Variants in GLB1 observed in about 807,000 individuals in gnomAD.
GLB1 encodes the protein galactosidase beta 1.
Under a neutral mutation model 74.0 loss-of-function variants are expected in GLB1, and 56 were observed. The observed-to-expected ratio is 0.76, with a 90% CI of 0.61 to 0.94. The LOEUF is 0.94. Among genes scored for constraint, GLB1 ranks in the 40% least tolerant of loss-of-function variants. The pLI is 0.00. For synonymous variants in GLB1, 323 were observed against 323.6 expected (o/e 1.00, Z 0.02); for missense variants, 787 against 845.5 (o/e 0.93, Z 0.86).
chr3:33,049,022 G>A (rs1698862028), intron 9 of GLB1, among the ~76,000 whole-genome samples: 1 of 152,142 alleles, frequency 6.6e-6, no homozygotes, highest in South Asian at 2.1e-4. Flanking sequence ...TGTTCTGACA[G>A]TTTCTATAAT....
intron 1 of GLB1, among the ~76,000 whole-genome samples, chr3:33,076,639 G>T (rs372521075): frequency 6.6e-6 from 1 of 152,188 alleles, no homozygotes; most frequent in East Asian, 1.9e-4. Flanking sequence ...GGAGAAATCT[G>T]AGTGTCAAAA....
intron 1 of GLB1, among the ~76,000 whole-genome samples, chr3:33,081,401 C>T (rs1046586714): frequency 2.6e-5 from 4 of 152,132 alleles, no homozygotes; most frequent in South Asian, 2.1e-4. Context: ...CTAGACATGA[C>T]GCTGGTCTAC....
At chr3:33,092,233 A>G (rs1425992661) in intron 1 of GLB1, 2 of 985,518 alleles carry the variant, frequency 2.0e-6, no homozygotes, top group Non-Finnish European at 2.4e-6. Context: ...GAACAGGAGG[A>G]GCTTTGCATT....
At chr3:32,962,654 T>C in the GLB1 span, among the ~76,000 whole-genome samples, 1 of 152,040 alleles carries the variant, frequency 6.6e-6, no homozygotes, top group Non-Finnish European at 1.5e-5. Flanking sequence ...CAATTACATT[T>C]ATATTTACAA....
intron 9 of GLB1, among the ~76,000 whole-genome samples, chr3:33,049,474 T>C (rs1302304518): frequency 6.6e-6 from 1 of 152,188 alleles, no homozygotes; most frequent in African/African-American, 2.4e-5. Flanking sequence ...TGGAGTGCAA[T>C]GGCACGATCT....
chr3:33,011,703 A>G (rs149719406), intron 15 of GLB1, among the ~76,000 whole-genome samples: 54 of 151,992 alleles, frequency 3.6e-4, no homozygotes, highest in African/African-American at 1.2e-3. Flanking sequence ...AATAAATTTT[A>G]AACAAGCAAC....
chr3:32,991,449 T>C, the GLB1 span, among the ~76,000 whole-genome samples: 2 of 152,184 alleles, frequency 1.3e-5, no homozygotes, highest in Non-Finnish European at 2.9e-5. Flanking sequence ...TTCTTAAAAA[T>C]GGCCACACAT....
the GLB1 span, among the ~76,000 whole-genome samples, chr3:32,972,124 T>G: frequency 0.41 from 62,172 of 151,822 alleles, 12,916 homozygotes; most frequent in East Asian, 0.52. Context: ...AGCTACCTGG[T>G]TGCAAGACAG....
chr3:33,091,331 C>A (rs1700751046), intron 1 of GLB1: 8 of 985,418 alleles, frequency 8.1e-6, no homozygotes, highest in Non-Finnish European at 9.6e-6. Flanking sequence ...ACCAGGAGGA[C>A]AAGGAGGAAA....
In GLB1 at chr3:33,034,514, A is replaced by C; in HGVS notation, c.1069-10189T>G. The C allele has an allele frequency of 2.9e-5, 21 of 734,448 alleles. No individual in the cohort carries two copies. In the South Asian group the frequency reaches 3.2e-4, roughly 11 times the overall value. 45.5% of individuals were successfully genotyped at this position (734,448 alleles called of 1,614,324 possible). Reference sequence around the variant, plus strand: ...AGATGTGGCCTGGGCCCCCTCCATCAGCCTGCCCACCAGCACCATTGCCAG... The same window carrying C: ...AGATGTGGCCTGGGCCCCCTCCATCCGCCTGCCCACCAGCACCATTGCCAG... On this transcript the variant is annotated intron_variant, in intron 10 of 15. Coordinates refer to ENST00000307363, the MANE Select transcript of GLB1 (RefSeq NM_000404.4).
intron 1 of GLB1, among the ~76,000 whole-genome samples, chr3:33,096,011 G>A (rs1198973217): frequency 6.6e-6 from 1 of 152,202 alleles, no homozygotes; most frequent in Admixed American, 6.5e-5. Context: ...AATCTTGGTT[G>A]TAGATAAATG....
chr3:33,028,473 C>G (rs72854777), intron 10 of GLB1, among the ~76,000 whole-genome samples: 1 of 151,606 alleles, frequency 6.6e-6, no homozygotes. Flanking sequence ...CCTCTTTTTT[C>G]TCGTTTTGTT....
At chr3:33,069,882 T>C (rs1559410606) in intron 2 of GLB1, among the ~76,000 whole-genome samples, 2 of 152,174 alleles carry the variant, frequency 1.3e-5, no homozygotes, top group African/African-American at 4.8e-5. Context: ...TTGCGTGTCA[T>C]GGGGGTTTGG....
chr3:33,068,673 C>T, intron 3 of GLB1, 147 bp downstream of exon 3: 1 of 1,488,558 alleles, frequency 6.7e-7, no homozygotes, highest in Non-Finnish European at 9.1e-7. Flanking sequence ...TGCCTGGGCA[C>T]CTTGTCAAGG....
Position 33,052,017 on chromosome 3 carries a change from A to C in GLB1, c.793-13T>G. On this transcript the variant is annotated splice_polypyrimidine_tract_variant and intron_variant, in intron 7 of 15. Coordinates refer to ENST00000307363, the MANE Select transcript of GLB1 (RefSeq NM_000404.4). ...ATTCAGAATTGATCTAAAACAAAAAAAGAACGTAGCCCTTAGGATAGACTT... is the reference window on the plus strand; with the variant it reads ...ATTCAGAATTGATCTAAAACAAAAACAGAACGTAGCCCTTAGGATAGACTT... 5 of 1,613,740 alleles carry C rather than the reference A, an allele frequency of 3.1e-6. No individual in the cohort carries two copies. Among genetic ancestry groups the C allele is most frequent in the Non-Finnish European group, 4.2e-6 (5 of 1,180,038 alleles).
At position 33,072,529 on chromosome 3, in the gene GLB1, T is replaced by C. The variant is rs748945568; in HGVS notation, c.245+15A>G. 1 of 1,612,722 alleles carries C rather than the reference T, an allele frequency of 6.2e-7. No individual in the cohort carries two copies. The highest frequency in any genetic ancestry group is 2.2e-5 in the East Asian group (1 of 44,880). On this transcript the variant is annotated intron_variant, in intron 2 of 15. Transcript: ENST00000307363. ...TGTTCAGGCCTAGGTGAGAGCCACATGCCCTCCTACTTACGTCTGGATGGC... is the reference window on the plus strand; with the variant it reads ...TGTTCAGGCCTAGGTGAGAGCCACACGCCCTCCTACTTACGTCTGGATGGC...
chr3:33,053,684 T>A, intron 6 of GLB1, 135 bp from the exon 7 acceptor site: 1 of 1,205,398 alleles, frequency 8.3e-7, no homozygotes, highest in Non-Finnish European at 1.2e-6. Context: ...AATTCTCATG[T>A]TGGAACTTAA....
At chr3:33,018,357 A>T in intron 13 of GLB1, 91 bp downstream of exon 13, 4 of 1,039,948 alleles carry the variant, frequency 3.8e-6, no homozygotes. Flanking sequence ...TGAAAAGGTG[A>T]GCAAAGACCC....
At chr3:33,094,896 ATTTCTTAACAAATAG>A (rs1700943403) in intron 1 of GLB1, among the ~76,000 whole-genome samples, 1 of 152,238 alleles carries the variant, frequency 6.6e-6, no homozygotes, top group African/African-American at 2.4e-5. Flanking sequence ...ATGATGTAGT[ATTTCTTAACAAATAG>A]TTTAAAATAT....
Sources: allele counts gnomAD v4.1 joint callset (sites outside exome capture counted in the v4.1 genomes callset), GRCh38; gene constraint gnomAD v4.1.1; transcripts MANE v1.5; gene names NCBI Gene and HGNC (gene_info 2026-07-23, HGNC 2026-07-21).